LCLAT1: variants seen among roughly 807,000 people sequenced by gnomAD.
The protein encoded by LCLAT1 is lysocardiolipin acyltransferase 1.
In LCLAT1, 11 loss-of-function variants were observed where a neutral mutation model predicts 30.7. That is an observed-to-expected ratio of 0.36 (90% CI 0.23 to 0.59). LCLAT1 has a LOEUF of 0.59. LCLAT1 is among the 20% of genes least tolerant of loss of function. LCLAT1 has a pLI of 0.77. For synonymous variants in LCLAT1, 155 were observed against 151.3 expected (o/e 1.02, Z -0.18); for missense variants, 402 against 458.6 (o/e 0.88, Z 1.13).
intron 5 of LCLAT1, among the ~76,000 whole-genome samples, chr2:30,626,540 A>T (rs926841444): frequency 2.6e-5 from 4 of 152,158 alleles, no homozygotes; most frequent in Non-Finnish European, 5.9e-5. Context: ...TTAAATACTT[A>T]TGCTTTTTCC....
At chr2:30,470,470 G>A (rs1222238249) in intron 1 of LCLAT1, among the ~76,000 whole-genome samples, 1 of 152,128 alleles carries the variant, frequency 6.6e-6, no homozygotes, top group South Asian at 2.1e-4. Flanking sequence ...GTTAGTTTTG[G>A]GAAAGGACTA....
intron 2 of LCLAT1, among the ~76,000 whole-genome samples, chr2:30,531,201 G>T (rs1215907745): frequency 1.3e-5 from 2 of 152,196 alleles, no homozygotes; most frequent in African/African-American, 4.8e-5. Flanking sequence ...GGAGGCAGAG[G>T]TTGCAGTGAG....
At chr2:30,637,027 T>C (rs1669068274) in intron 5 of LCLAT1, among the ~76,000 whole-genome samples, 1 of 152,180 alleles carries the variant, frequency 6.6e-6, no homozygotes, top group African/African-American at 2.4e-5. Context: ...GAAGTATTGA[T>C]TTCCGAGGAG....
chr2:30,475,641 T>G (rs1321187618), intron 1 of LCLAT1, among the ~76,000 whole-genome samples: 1 of 152,212 alleles, frequency 6.6e-6, no homozygotes, highest in Admixed American at 6.5e-5. Context: ...GCATGCCTGT[T>G]TTATACAACT....
chr2:30,550,576 G>A (rs1221185285), intron 3 of LCLAT1, among the ~76,000 whole-genome samples: 1 of 152,178 alleles, frequency 6.6e-6, no homozygotes. Flanking sequence ...GAAGAATACT[G>A]TAGAGGTGGA....
intron 1 of LCLAT1, among the ~76,000 whole-genome samples, chr2:30,523,467 C>T (rs1423915966): frequency 1.3e-5 from 2 of 152,136 alleles, no homozygotes; most frequent in Non-Finnish European, 2.9e-5. Context: ...TACCCCACTT[C>T]TTTAAAGTTT....
Position 30,498,818 on chromosome 2 carries a change from T to C in LCLAT1, c.-4-26769T>C, listed in dbSNP as rs186058010. Reference sequence around the variant, plus strand: ...TGTCTTTTAATGATTTCTGAAAAAATACTCATTTTTAATGCAACCAATTTT... The same window carrying C: ...TGTCTTTTAATGATTTCTGAAAAAACACTCATTTTTAATGCAACCAATTTT... On this transcript the variant is annotated intron_variant, in intron 1 of 5. Transcript: ENST00000379509. Among the ~76,000 whole-genome samples, 889 of 152,282 alleles carry C rather than the reference T, an allele frequency of 5.8e-3. 9 individuals carry two copies. Among genetic ancestry groups the C allele is most frequent in the South Asian group, 0.024 (117 of 4,828 alleles).
At chr2:30,465,440 G>A (rs1682371588) in intron 1 of LCLAT1, among the ~76,000 whole-genome samples, 1 of 152,156 alleles carries the variant, frequency 6.6e-6, no homozygotes, top group Non-Finnish European at 1.5e-5. Context: ...TCTAGGAGTG[G>A]AAGAGAATAA....
intron 1 of LCLAT1, among the ~76,000 whole-genome samples, chr2:30,496,749 C>G (rs947800375): frequency 1.3e-5 from 2 of 152,126 alleles, no homozygotes; most frequent in African/African-American, 2.4e-5. Flanking sequence ...AAATGCTTAT[C>G]TGAATCTCAT....
At chr2:30,549,057 A>G (rs543287733) in intron 3 of LCLAT1, among the ~76,000 whole-genome samples, 15 of 152,346 alleles carry the variant, frequency 9.8e-5, no homozygotes, top group South Asian at 2.1e-4. Context: ...GACATTGAGA[A>G]CTAAGTAATT....
In LCLAT1 at chr2:30,473,251, CAT is replaced by C. The variant is rs1682885660; in HGVS notation, c.-5+25875_-5+25876del. On this transcript the variant is annotated intron_variant, in intron 1 of 5. Transcript: ENST00000379509. ...ACAGTTGCATATGCTATTATGAAGA[CAT>C]ATATATGTATGTGTGTATACATATA... Among the ~76,000 whole-genome samples, 4 of 152,108 alleles carry C rather than the reference CAT, an allele frequency of 2.6e-5. No individual in the cohort carries two copies. The South Asian group carries it at 6.2e-4, about 24-fold the overall frequency.
At chr2:30,594,922 T>C (rs1465873187) in intron 5 of LCLAT1, among the ~76,000 whole-genome samples, 1 of 152,238 alleles carries the variant, frequency 6.6e-6, no homozygotes, top group African/African-American at 2.4e-5. Context: ...TACCTATATT[T>C]TCCCAATAAA....
chr2:30,512,272 A>G (rs538832713), intron 1 of LCLAT1, among the ~76,000 whole-genome samples: 97 of 152,324 alleles, frequency 6.4e-4, no homozygotes, highest in African/African-American at 2.2e-3. Flanking sequence ...AAAATTAACC[A>G]CTGTATAATG....
intron 5 of LCLAT1, among the ~76,000 whole-genome samples, chr2:30,595,835 C>A (rs1558543099): frequency 6.6e-6 from 1 of 152,070 alleles, no homozygotes; most frequent in Non-Finnish European, 1.5e-5. Context: ...TGTGTTGTTC[C>A]CCTAACTATG....
chr2:30,606,109 A>G, intron 5 of LCLAT1: 2 of 1,002,642 alleles, frequency 2.0e-6, no homozygotes, highest in Non-Finnish European at 2.7e-6. Flanking sequence ...CAAATGGAAA[A>G]ACACTCCATG....
chr2:30,628,381 A>G (rs896385201), intron 5 of LCLAT1, among the ~76,000 whole-genome samples: 1 of 152,244 alleles, frequency 6.6e-6, no homozygotes, highest in Non-Finnish European at 1.5e-5. Flanking sequence ...ATGCAATTGC[A>G]GGACAGGTTT....
intron 5 of LCLAT1, among the ~76,000 whole-genome samples, chr2:30,592,538 C>G (rs985222335): frequency 5.9e-5 from 9 of 152,044 alleles, no homozygotes; most frequent in Non-Finnish European, 8.8e-5. Context: ...GTCAGTTTCT[C>G]GATTGAAAAT....
At chr2:30,563,548 C>A (rs1456987482) in intron 4 of LCLAT1, among the ~76,000 whole-genome samples, 2 of 152,292 alleles carry the variant, frequency 1.3e-5, no homozygotes, top group East Asian at 1.9e-4. Context: ...GTGGATCTTA[C>A]AGCTCTGCTG....
chr2:30,636,236 G>A (rs1422498505), intron 5 of LCLAT1, among the ~76,000 whole-genome samples: 1 of 152,192 alleles, frequency 6.6e-6, no homozygotes, highest in Non-Finnish European at 1.5e-5. Context: ...TTTGTGTTGA[G>A]TAGGAAAGTT....
Sources: allele counts gnomAD v4.1 joint callset (sites outside exome capture counted in the v4.1 genomes callset), GRCh38; gene constraint gnomAD v4.1.1; transcripts MANE v1.5; gene names NCBI Gene and HGNC (gene_info 2026-07-23, HGNC 2026-07-21).